The following SLC38A4 variants were observed in gnomAD, a reference collection of about 807,000 sequenced individuals.
SLC38A4 encodes the protein sodium-coupled neutral amino acid transporter 4.
Under a neutral mutation model 63.1 loss-of-function variants are expected in SLC38A4, and 20 were observed. That is an observed-to-expected ratio of 0.32 (90% CI 0.22 to 0.46). The LOEUF is 0.46. Among genes scored for constraint, SLC38A4 ranks in the 20% least tolerant of loss-of-function variants. The probability of loss-of-function intolerance (pLI) is 1.00; values close to 1 mark genes in which losing one functional copy is unlikely to be tolerated. For synonymous variants in SLC38A4, 230 were observed against 225.5 expected (o/e 1.02, Z -0.18); for missense variants, 526 against 663.6 (o/e 0.79, Z 2.28).
intron 7 of SLC38A4, among the ~76,000 whole-genome samples, chr12:46,782,005 C>A (rs140089422): frequency 6.6e-6 from 1 of 151,954 alleles, no homozygotes; most frequent in East Asian, 1.9e-4. Flanking sequence ...GCATATGGCT[C>A]CAAACCAGTA....
rs376360960 is a variant in SLC38A4, at chr12:46,775,091, G to A, written c.1257C>T (p.Val419=). 1.2e-5 allele frequency: 20 copies of A among 1,612,724 alleles called. No individual in the cohort carries two copies. The highest frequency in any genetic ancestry group is 2.2e-5 in the South Asian group (2 of 91,040). The change falls in exon 14 of 17, where the codon GTC becomes GTT. Residue 419 remains valine (V), a synonymous_variant. Transcript: ENST00000266579. ...GCACAGTTAGTGTTACTGCCACAAG[G>A]ACTGCCAGGCGAACCATGAGAAGAG... The part of the protein sequence containing the change: ...DIPLLMVRLA[V]LVAVTLTVPI...
chr12:46,788,818 A>C (rs1028333703), intron 3 of SLC38A4, among the ~76,000 whole-genome samples, 200 bp from the exon 4 acceptor site: 2 of 152,156 alleles, frequency 1.3e-5, no homozygotes, highest in Non-Finnish European at 2.9e-5. Flanking sequence ...TTGGGATGGA[A>C]GAAGGATGTT....
intron 3 of SLC38A4, among the ~76,000 whole-genome samples, chr12:46,792,378 G>A (rs1288690250): frequency 6.6e-6 from 1 of 152,020 alleles, no homozygotes; most frequent in African/African-American, 2.4e-5. Context: ...ACTAGGATGG[G>A]GATTACTAGA....
At chr12:46,789,553 G>T (rs537478186) in intron 3 of SLC38A4, among the ~76,000 whole-genome samples, 1 of 152,068 alleles carries the variant, frequency 6.6e-6, no homozygotes, top group Non-Finnish European at 1.5e-5. Context: ...TTGAGGCTAC[G>T]GACCTAGGAC....
intron 1 of SLC38A4, among the ~76,000 whole-genome samples, chr12:46,807,897 C>T (rs1313431730): frequency 6.7e-6 from 1 of 150,352 alleles, no homozygotes; most frequent in African/African-American, 2.4e-5. Flanking sequence ...TTACCCCCCC[C>T]CCCAAAGCCA....
intron 1 of SLC38A4, among the ~76,000 whole-genome samples, chr12:46,810,423 G>A (rs1416993013): frequency 6.6e-6 from 1 of 151,734 alleles, no homozygotes; most frequent in African/African-American, 2.4e-5. Flanking sequence ...AATTACATTA[G>A]AAGAAATACC....
At chr12:46,781,935 G>A (rs543619775) in intron 7 of SLC38A4, among the ~76,000 whole-genome samples, 2 of 152,114 alleles carry the variant, frequency 1.3e-5, no homozygotes, top group Admixed American at 6.6e-5. Flanking sequence ...ACCTTGATAA[G>A]GCTGAGAGTT....
At chr12:46,806,942 A>G (rs1293808039) in intron 1 of SLC38A4, among the ~76,000 whole-genome samples, 1 of 152,008 alleles carries the variant, frequency 6.6e-6, no homozygotes, top group African/African-American at 2.4e-5. Context: ...TCTACCTCCA[A>G]CAATGACCTT....
At chr12:46,805,431 A>G (rs969979101) in intron 1 of SLC38A4, among the ~76,000 whole-genome samples, 1 of 151,996 alleles carries the variant, frequency 6.6e-6, no homozygotes, top group Admixed American at 6.6e-5. Context: ...TCATTTGACT[A>G]TTTTTTTCCC....
In SLC38A4 at chr12:46,778,583, C is replaced by T; in HGVS notation, c.911G>A (p.Gly304Asp). ...PAGLDENQAK[G>D]SLHDSGVEYE... Reference sequence around the variant, plus strand: ...TTCTACTCCACTGTCATGAAGAGAGCCCTTGGCCTGGTTCTCATCCAGCCC... The same window carrying T: ...TTCTACTCCACTGTCATGAAGAGAGTCCTTGGCCTGGTTCTCATCCAGCCC... Residue 304 changes from glycine (G) to aspartate (D), a missense_variant, in exon 11 of 17, where the codon GGC becomes GAC. Physicochemically the swap from Gly to Asp is moderately conservative, Grantham distance 94 (BLOSUM62 -1). Coordinates refer to ENST00000266579, the MANE Select transcript of SLC38A4 (RefSeq NM_018018.5). 6.2e-7 allele frequency: 1 copy of T among 1,613,004 alleles called. No homozygotes were observed. Among genetic ancestry groups the T allele is most frequent in the Non-Finnish European group, 8.5e-7 (1 of 1,179,392 alleles).
intron 14 of SLC38A4, 141 bp downstream of exon 14, chr12:46,774,908 C>G (rs1404051650): frequency 1.0e-6 from 1 of 978,738 alleles, no homozygotes; most frequent in African/African-American, 1.7e-5. Flanking sequence ...TTTTAAGTGA[C>G]TCAAAATGCT....
At chr12:46,800,379 G>A (rs1939106260) in intron 2 of SLC38A4, among the ~76,000 whole-genome samples, 1 of 152,008 alleles carries the variant, frequency 6.6e-6, no homozygotes, top group South Asian at 2.1e-4. Context: ...CCCAGACATA[G>A]CTCTTTAGTC....
chr12:46,815,264 TATATATATATATATATATATAC>T (rs1327183501), intron 1 of SLC38A4, among the ~76,000 whole-genome samples: 1,435 of 129,536 alleles, frequency 0.011, 14 homozygotes, highest in South Asian at 0.024. Flanking sequence ...TATATATATA[TATATATATATATATATATATAC>T]ACACACACAC....
At position 46,793,008 on chromosome 12, in the gene SLC38A4, T is replaced by C. The variant is rs562328359; in HGVS notation, c.64A>G (p.Ser22Gly). The C allele has an allele frequency of 6.2e-7, 1 of 1,613,474 alleles. No homozygotes were observed. Among genetic ancestry groups the C allele is most frequent in the African/African-American group, 1.3e-5 (1 of 75,012 alleles). The change falls in exon 3 of 17, where the codon AGT (serine) becomes GGT (glycine). Residue 22 changes from serine (S) to glycine (G), a missense_variant. By Grantham distance (56) the Ser-to-Gly change is moderately conservative (BLOSUM62 0). Coordinates refer to ENST00000266579, the MANE Select transcript of SLC38A4 (RefSeq NM_018018.5). Reference sequence around the variant, plus strand: ...ATCCCGATGTAGCTATCTGGAGCACTTTCTCCACTGCTGCTCTCATCATCT... The same window carrying C: ...ATCCCGATGTAGCTATCTGGAGCACCTTCTCCACTGCTGCTCTCATCATCT... The part of the protein sequence containing the change: ...EPDDESSSGE[S>G]APDSYIGIGN...
chr12:46,827,524 A>T (rs1025727595), upstream of SLC38A4, among the ~76,000 whole-genome samples: 2 of 152,230 alleles, frequency 1.3e-5, no homozygotes, highest in African/African-American at 4.8e-5. Context: ...AGATAAAAGG[A>T]TAGCATTTGT....
intron 1 of SLC38A4, among the ~76,000 whole-genome samples, chr12:46,805,944 C>T (rs1299249787): frequency 6.6e-6 from 1 of 151,656 alleles, no homozygotes; most frequent in African/African-American, 2.4e-5. Flanking sequence ...CTTGGCTTCC[C>T]AGACTAGAAC....
In SLC38A4 at chr12:46,816,720, T is replaced by C. The variant is rs534506326; in HGVS notation, c.-305+9183A>G. Among the ~76,000 whole-genome samples the C allele has an allele frequency of 2.0e-5, 3 of 151,968 alleles. No individual in the cohort carries two copies. In the East Asian group the frequency reaches 5.8e-4, roughly 29 times the overall value. On this transcript the variant is annotated intron_variant, in intron 1 of 16. Coordinates refer to ENST00000266579, the MANE Select transcript of SLC38A4 (RefSeq NM_018018.5). The stretch of plus-strand genomic sequence containing the variant: ...TTGCTCAGTTAATTCTAGTGGAGAA[T>C]AAAGGAGTAATAAAAAATGTATTCA...
rs1196105474 is a variant in SLC38A4 at position 46,779,965 on chromosome 12, G to A, written c.559C>T (p.Leu187Phe). ...LPEVIRAFMG[L>F]EENTGEWYLN... is the part of the protein sequence containing the mutation. ...AAGACATACCCAGTATTTTCTTCAA[G>A]TCCCATGAATGCTCTGATTACTTCA... The change falls in exon 8 of 17, where the codon CTT becomes TTT. Residue 187 changes from leucine (L) to phenylalanine (F), a missense_variant. Transcript: ENST00000266579. 1 of 1,612,242 alleles carries A rather than the reference G, an allele frequency of 6.2e-7. No individual in the cohort carries two copies. The highest frequency in any genetic ancestry group is 2.2e-5 in the East Asian group (1 of 44,760).
At chr12:46,815,827 T>G (rs1297596581) in intron 1 of SLC38A4, among the ~76,000 whole-genome samples, 2 of 151,902 alleles carry the variant, frequency 1.3e-5, no homozygotes, top group Non-Finnish European at 2.9e-5. Flanking sequence ...TTAATAATAT[T>G]AACAGGTCCC....
Sources: allele counts gnomAD v4.1 joint callset (sites outside exome capture counted in the v4.1 genomes callset), GRCh38; gene constraint gnomAD v4.1.1; transcripts MANE v1.5; gene names NCBI Gene and HGNC (gene_info 2026-07-23, HGNC 2026-07-21).